UBE2E1: variants seen among roughly 807,000 people sequenced by gnomAD.
UBE2E1 encodes ubiquitin-conjugating enzyme E2 E1.
A neutral mutation model predicts 21.4 loss-of-function variants in UBE2E1; 6 were observed. That is an observed-to-expected ratio of 0.28 (90% confidence interval 0.15 to 0.55). UBE2E1 has a LOEUF of 0.55. UBE2E1 is among the 20% of genes least tolerant of loss of function. The pLI is 0.93. For missense variants in UBE2E1, 142 were observed against 236.5 expected, an observed-to-expected ratio of 0.60 and a Z score of 2.62; for synonymous variants, 87 against 82.7, an observed-to-expected ratio of 1.05 and a Z score of -0.28.
At chr3:23,813,947 G>T (rs766218715) in intron 3 of UBE2E1, among the ~76,000 whole-genome samples, 5 of 152,190 alleles carry the variant, frequency 3.3e-5, no homozygotes, top group Non-Finnish European at 5.9e-5. Context: ...CATGAGATTT[G>T]AATGAGTTAA....
At chr3:23,850,603 T>A (rs1409365794) in intron 3 of UBE2E1, among the ~76,000 whole-genome samples, 1 of 151,564 alleles carries the variant, frequency 6.6e-6, no homozygotes, top group African/African-American at 2.4e-5. Flanking sequence ...CTCAAACTCC[T>A]GAGCTCAGGT....
chr3:23,848,762 A>C (rs1700262599), intron 3 of UBE2E1, among the ~76,000 whole-genome samples: 1 of 152,212 alleles, frequency 6.6e-6, no homozygotes, highest in South Asian at 2.1e-4. Flanking sequence ...GCCAAAAGGG[A>C]GGGCATCTAA....
chr3:23,857,555 G>T (rs1306734107), intron 3 of UBE2E1, among the ~76,000 whole-genome samples: 1 of 152,198 alleles, frequency 6.6e-6, no homozygotes, highest in African/African-American at 2.4e-5. Flanking sequence ...ATGTATGCCT[G>T]TCGAGTCACG....
intron 3 of UBE2E1, among the ~76,000 whole-genome samples, chr3:23,857,719 T>C (rs1006264776): frequency 6.6e-6 from 1 of 152,222 alleles, no homozygotes; most frequent in Non-Finnish European, 1.5e-5. Context: ...CCAAGAGCTG[T>C]TGTGCTCTGC....
chr3:23,857,367 A>G (rs1190291861), intron 3 of UBE2E1, among the ~76,000 whole-genome samples: 1 of 152,192 alleles, frequency 6.6e-6, no homozygotes, highest in Admixed American at 6.5e-5. Flanking sequence ...AGAAGCACAC[A>G]TTTTTGTGAA....
In UBE2E1 at chr3:23,863,961, CTT is replaced by C. The variant is rs1700604324; in HGVS notation, c.204-23604_204-23603del. ...GTGTCACTGTCTTTTGGGGAATTCT[CTT>C]TACTATTCTACATAGAAGTTTTGTT... On this transcript the variant is annotated intron_variant, in intron 3 of 5. Coordinates refer to ENST00000306627, the MANE Select transcript of UBE2E1 (RefSeq NM_003341.5). This position sits in a 1 kb window ranked among gnomAD's most constrained non-coding sequence, Gnocchi z 4.3. Among the ~76,000 whole-genome samples, 1 of 152,206 alleles carries C rather than the reference CTT, an allele frequency of 6.6e-6. No homozygotes were observed. The highest frequency in any genetic ancestry group is 6.5e-5 in the Admixed American group (1 of 15,282).
intron 3 of UBE2E1, among the ~76,000 whole-genome samples, chr3:23,873,051 A>G (rs529503534): frequency 1.8e-4 from 27 of 152,062 alleles, no homozygotes; most frequent in Non-Finnish European, 3.7e-4. Flanking sequence ...GACTGGTACT[A>G]TTTCACATAT....
chr3:23,813,689 C>T (rs1478806869), intron 3 of UBE2E1, among the ~76,000 whole-genome samples: 2 of 152,098 alleles, frequency 1.3e-5, no homozygotes, highest in Non-Finnish European at 2.9e-5. Flanking sequence ...ATTATAGGCA[C>T]GTGCCACCAT....
At chr3:23,807,057 TAAAC>T (rs895677925) in intron 1 of UBE2E1, 176 bp from the exon 2 acceptor site, 19 of 484,946 alleles carry the variant, frequency 3.9e-5, no homozygotes, top group Non-Finnish European at 5.7e-5. Flanking sequence ...GGGCCAAAAA[TAAAC>T]AAGCCGCGTC....
chr3:23,872,379 A>G (rs1236286313), intron 3 of UBE2E1, among the ~76,000 whole-genome samples: 6 of 138,526 alleles, frequency 4.3e-5, no homozygotes, highest in African/African-American at 1.1e-4. Context: ...GGGGAGGGGG[A>G]GGGGGAGAGG....
chr3:23,881,221 AAG>A (rs1701031773), intron 3 of UBE2E1, among the ~76,000 whole-genome samples: 1 of 152,218 alleles, frequency 6.6e-6, no homozygotes, highest in African/African-American at 2.4e-5. Flanking sequence ...CCTTTATAGA[AAG>A]AAGAAAATAT....
At chr3:23,841,040 T>A (rs1700074521) in intron 3 of UBE2E1, among the ~76,000 whole-genome samples, 2 of 152,256 alleles carry the variant, frequency 1.3e-5, no homozygotes, top group African/African-American at 4.8e-5. Context: ...CCCATGATAC[T>A]TTTTGTAAAT....
chr3:23,848,573 AG>A (rs1359386302), intron 3 of UBE2E1, among the ~76,000 whole-genome samples: 1 of 152,246 alleles, frequency 6.6e-6, no homozygotes, highest in South Asian at 2.1e-4. Context: ...ATGCTTAATA[AG>A]CTTGGAGGAA....
In UBE2E1 at chr3:23,887,724, A is replaced by C; in HGVS notation, c.336+25A>C. ...GGTAAGAAATCTCCCTGTATGCTCA[A>C]ATTTACTAATTCCCACAAGAGAGCA... On this transcript the variant is annotated intron_variant, in intron 4 of 5. Coordinates refer to ENST00000306627, the MANE Select transcript of UBE2E1 (RefSeq NM_003341.5). This position sits in a 1 kb window ranked among gnomAD's most constrained non-coding sequence, Gnocchi z 4.4. 2 of 1,586,046 alleles carry C rather than the reference A, an allele frequency of 1.3e-6. No individual in the cohort carries two copies. The highest frequency in any genetic ancestry group is 1.7e-6 in the Non-Finnish European group (2 of 1,172,064).
At chr3:23,837,237 G>A (rs986375843) in intron 3 of UBE2E1, among the ~76,000 whole-genome samples, 10 of 152,292 alleles carry the variant, frequency 6.6e-5, no homozygotes, top group Admixed American at 4.6e-4. Context: ...TTATACAGGT[G>A]AGGAAGTTGA....
rs1175964105 is a variant in UBE2E1, at chr3:23,842,229, GT to G, written c.203+30720del. 1.3e-3 allele frequency among the ~76,000 whole-genome samples: 104 copies of G among 82,426 alleles called. 1 individual carries two copies. Among genetic ancestry groups the G allele is most frequent in the African/African-American group, 4.7e-3 (99 of 20,898 alleles). The allele number at this position is 82,426 out of a possible 152,430, so 54.1% of individuals were successfully genotyped here. A position where few individuals can be genotyped will look rare whatever the true frequency, so the allele number is the denominator to read the frequency against. The stretch of plus-strand genomic sequence containing the variant: ...TGTGTGTGTGTGTGTGTGTGTGTGT[GT>G]GTGTGTGTGTGTGTGTGTGGTGTTG... On this transcript the variant is annotated intron_variant, in intron 3 of 5. Coordinates refer to ENST00000306627, the MANE Select transcript of UBE2E1 (RefSeq NM_003341.5). This position sits in a 1 kb window ranked among gnomAD's most constrained non-coding sequence, Gnocchi z 4.6.
At chr3:23,826,461 G>T (rs780583377) in intron 3 of UBE2E1, among the ~76,000 whole-genome samples, 2 of 152,204 alleles carry the variant, frequency 1.3e-5, no homozygotes, top group Non-Finnish European at 2.9e-5. Flanking sequence ...TCAAGAGTTT[G>T]GCTTCCTCCT....
chr3:23,887,487 A>C lies in UBE2E1; in HGVS notation c.204-80A>C, dbSNP rs765365396. The C allele has an allele frequency of 1.4e-5, 21 of 1,490,066 alleles. No individual in the cohort carries two copies. Among genetic ancestry groups the C allele is most frequent in the Non-Finnish European group, 1.8e-5 (20 of 1,119,126 alleles). 92.3% of individuals were successfully genotyped at this position (1,490,066 alleles called of 1,614,324 possible). ...AGTAAACAAAAGAGAGGAGAGAGGT[A>C]ATCTTTCCATCTCTTTTAATACACT... On this transcript the variant is annotated intron_variant, in intron 3 of 5. Coordinates refer to ENST00000306627, the MANE Select transcript of UBE2E1 (RefSeq NM_003341.5). The surrounding 1 kb of genome is among the most constrained non-coding windows in gnomAD (Gnocchi z 4.4).
intron 3 of UBE2E1, among the ~76,000 whole-genome samples, chr3:23,872,164 A>G (rs1700812433): frequency 1.3e-5 from 2 of 152,298 alleles, no homozygotes; most frequent in South Asian, 4.1e-4. Flanking sequence ...CGCTGTTAGG[A>G]GCTGGAGACC....
Sources: allele counts gnomAD v4.1 joint callset (sites outside exome capture counted in the v4.1 genomes callset), GRCh38; gene constraint gnomAD v4.1.1; non-coding constraint Gnocchi (gnomAD v3.1); transcripts MANE v1.5; gene names NCBI Gene and HGNC (gene_info 2026-07-23, HGNC 2026-07-21).